The following SMC6 variants were observed in gnomAD, a reference collection of about 807,000 sequenced individuals.
SMC6 encodes the protein structural maintenance of chromosomes protein 6.
In SMC6, 79 loss-of-function variants were observed where a neutral mutation model predicts 142.2. That is an observed-to-expected ratio of 0.56 (90% CI 0.46 to 0.67). SMC6 has a LOEUF of 0.67. SMC6 is among the 30% of genes least tolerant of loss of function. The pLI is 0.00. For missense variants in SMC6, 1,072 were observed against 1,284.0 expected (o/e 0.83, Z 2.52); for synonymous variants, 411 against 412.4 (o/e 1.00, Z 0.04).
chr2:17,742,225 A>G (rs879886889), intron 3 of SMC6, among the ~76,000 whole-genome samples: 2 of 152,176 alleles, frequency 1.3e-5, no homozygotes, highest in Admixed American at 6.5e-5. Context: ...TATTTAGAAT[A>G]CCTCTGAAAG....
At chr2:17,740,541 T>C (rs187144036) in intron 4 of SMC6, among the ~76,000 whole-genome samples, 3 of 152,292 alleles carry the variant, frequency 2.0e-5, no homozygotes, top group South Asian at 2.1e-4. Context: ...ATTGTGGCCA[T>C]GCCATTCCTT....
Position 17,666,537 on chromosome 2 carries a change from G to A in SMC6, c.3064-20C>T, listed in dbSNP as rs1166040013. ...CATATCCTGAAAAACAAAGGCAAAA[G>A]TTAGGATTGCTATTGTGTAAGTCAC... On this transcript the variant is annotated intron_variant, in intron 26 of 27. Coordinates refer to ENST00000448223, the MANE Select transcript of SMC6 (RefSeq NM_001142286.2). The A allele has an allele frequency of 6.4e-7, 1 of 1,561,890 alleles. No homozygotes were observed. Among genetic ancestry groups the A allele is most frequent in the Non-Finnish European group, 8.8e-7 (1 of 1,133,664 alleles).
At position 17,731,646 on chromosome 2, in the gene SMC6, C is replaced by T. The variant is rs113335361; in HGVS notation, c.481+95G>A. ...TATATGCACACAACCAATCATGTTACAAGGAAGATAGTTCAATCAATACCA... is the reference window on the plus strand; with the variant it reads ...TATATGCACACAACCAATCATGTTATAAGGAAGATAGTTCAATCAATACCA... On this transcript the variant is annotated intron_variant, in intron 6 of 27. Coordinates refer to ENST00000448223, the MANE Select transcript of SMC6 (RefSeq NM_001142286.2). The T allele has an allele frequency of 3.3e-6, 4 of 1,215,478 alleles. No individual in the cohort carries two copies. In the Admixed American group the frequency reaches 8.1e-5, roughly 24 times the overall value. 75.3% of individuals were successfully genotyped at this position (1,215,478 alleles called of 1,614,324 possible).
intron 18 of SMC6, among the ~76,000 whole-genome samples, chr2:17,704,731 A>G (rs937482439): frequency 6.6e-6 from 1 of 152,146 alleles, no homozygotes; most frequent in African/African-American, 2.4e-5. Flanking sequence ...ATTTACTGGT[A>G]TGTAAAACAA....
chr2:17,665,647 A>G (rs201608580), intron 27 of SMC6, 34 bp from the exon 28 acceptor site: 3 of 1,378,940 alleles, frequency 2.2e-6, no homozygotes, highest in African/African-American at 2.9e-5. Context: ...TCAAATTTCC[A>G]AGAAACCTTT....
intron 2 of SMC6, among the ~76,000 whole-genome samples, chr2:17,746,619 A>G (rs1670759342): frequency 6.6e-6 from 1 of 151,860 alleles, no homozygotes; most frequent in South Asian, 2.1e-4. Flanking sequence ...TTGATTGTCT[A>G]TTTTTTGCCA....
intron 18 of SMC6, among the ~76,000 whole-genome samples, chr2:17,703,830 G>A (rs60613028): frequency 0.013 from 1,974 of 151,870 alleles, 22 homozygotes; most frequent in African/African-American, 0.031. Context: ...ATACTGTACT[G>A]TATATACTGT....
At position 17,716,316 on chromosome 2, in the gene SMC6, A is replaced by G. The variant is rs760643872; in HGVS notation, c.1347-52T>C. On this transcript the variant is annotated intron_variant, in intron 14 of 27. Coordinates refer to ENST00000448223, the MANE Select transcript of SMC6 (RefSeq NM_001142286.2). ...ACATATATGTGATAGTTTTACAGAA[A>G]CATTTAACCTTTGCCCATAACACCT... is the stretch of plus-strand genomic sequence containing the variant. 42 of 1,549,810 alleles carry G rather than the reference A, an allele frequency of 2.7e-5. No individual in the cohort carries two copies. The Admixed American group carries it at 8.7e-4, about 32-fold the overall frequency.
Position 17,668,053 on chromosome 2 carries a change from T to C in SMC6, c.3064-1536A>G, listed in dbSNP as rs899485864. On this transcript the variant is annotated intron_variant, in intron 26 of 27. Transcript: ENST00000448223. The stretch of plus-strand genomic sequence containing the variant: ...AAACTGCCAAAGTACCAAAAAAAAA[T>C]TTGTTTTCCTTGGATTAGCTCACAG... 3.3e-5 allele frequency among the ~76,000 whole-genome samples: 5 copies of C among 152,054 alleles called. No homozygotes were observed. The South Asian group carries it at 8.3e-4, about 25-fold the overall frequency.
chr2:17,706,173 T>C (rs929874035), intron 18 of SMC6, among the ~76,000 whole-genome samples: 2 of 152,318 alleles, frequency 1.3e-5, no homozygotes, highest in Admixed American at 1.3e-4. Context: ...AGCATACTTC[T>C]GAAGATTAGA....
chr2:17,749,208 T>C (rs1017946854), intron 2 of SMC6, among the ~76,000 whole-genome samples: 1 of 152,128 alleles, frequency 6.6e-6, no homozygotes, highest in Non-Finnish European at 1.5e-5. Context: ...TTAATTATGC[T>C]GGAATAAAAA....
chr2:17,695,041 T>A, intron 23 of SMC6, 111 bp downstream of exon 23: 1 of 1,173,594 alleles, frequency 8.5e-7, no homozygotes, highest in Non-Finnish European at 1.2e-6. Context: ...CTATAACTAT[T>A]TGCTATAGTA....
chr2:17,677,946 A>T (rs1345976600), intron 25 of SMC6, among the ~76,000 whole-genome samples: 1 of 152,222 alleles, frequency 6.6e-6, no homozygotes, highest in African/African-American at 2.4e-5. Flanking sequence ...AGTAGTAGGT[A>T]ATTATTTGAA....
rs540338934 is a variant in SMC6 at position 17,736,973 on chromosome 2, T to G, written c.344+1248A>C. Among the ~76,000 whole-genome samples, 32 of 152,262 alleles carry G rather than the reference T, an allele frequency of 2.1e-4. No individual in the cohort carries two copies. In the South Asian group the frequency reaches 2.3e-3, roughly 11 times the overall value. ...TGAAATAGAGTTGATACTATTAACT[T>G]AAAGGTGTTAAAATAACTAATTTTT... On this transcript the variant is annotated intron_variant, in intron 5 of 27. Coordinates refer to ENST00000448223, the MANE Select transcript of SMC6 (RefSeq NM_001142286.2).
chr2:17,744,198 A>G (rs1013126685), intron 3 of SMC6, among the ~76,000 whole-genome samples: 1 of 152,236 alleles, frequency 6.6e-6, no homozygotes, highest in Non-Finnish European at 1.5e-5. Context: ...GTAATGAATG[A>G]GAGTTCCTGT....
chr2:17,693,705 A>G (rs1010940029), intron 23 of SMC6, among the ~76,000 whole-genome samples: 8 of 152,082 alleles, frequency 5.3e-5, no homozygotes, highest in Non-Finnish European at 1.0e-4. Flanking sequence ...AAATAAAAAA[A>G]AAGAATGAGG....
At chr2:17,748,902 T>C (rs114212466) in intron 2 of SMC6, among the ~76,000 whole-genome samples, 3,753 of 152,320 alleles carry the variant, frequency 0.025, 175 homozygotes, top group African/African-American at 0.085. Context: ...AGATTCTATA[T>C]AGAAGACAGT....
At chr2:17,750,791 A>C (rs1432884550) in intron 2 of SMC6, among the ~76,000 whole-genome samples, 3 of 152,140 alleles carry the variant, frequency 2.0e-5, no homozygotes, top group Non-Finnish European at 4.4e-5. Flanking sequence ...ACCTGAGGTC[A>C]GGAGTTCGAG....
chr2:17,750,496 A>G (rs1670970263), intron 2 of SMC6, among the ~76,000 whole-genome samples: 1 of 152,222 alleles, frequency 6.6e-6, no homozygotes, highest in Non-Finnish European at 1.5e-5. Flanking sequence ...TTATGTAGCT[A>G]CAACTTAGTT....
Sources: gnomAD v4.1 joint callset for allele counts (sites outside exome capture counted in the v4.1 genomes callset) on GRCh38, gnomAD v4.1.1 for gene constraint, MANE v1.5 for transcripts, NCBI Gene and HGNC (gene_info 2026-07-23, HGNC 2026-07-21) for gene names.